The following STRN3 variants were observed in gnomAD, a reference collection of about 807,000 sequenced individuals.
The protein encoded by STRN3 is striatin 3.
STRN3 carries 29 observed loss-of-function variants against 95.6 expected under a neutral mutation model. The observed-to-expected ratio is 0.30, with a 90% CI of 0.23 to 0.41. The LOEUF is 0.41. STRN3 is among the 10% of genes least tolerant of loss of function. The probability of loss-of-function intolerance (pLI) is 1.00; values close to 1 mark genes in which losing one functional copy is unlikely to be tolerated. For missense variants in STRN3, 890 were observed against 972.1 expected (o/e 0.92, Z 1.12); for synonymous variants, 331 against 357.6 (o/e 0.93, Z 0.84).
At chr14:30,972,646 A>T (rs548710391) in intron 1 of STRN3, among the ~76,000 whole-genome samples, 25 of 144,486 alleles carry the variant, frequency 1.7e-4, no homozygotes, top group South Asian at 6.5e-4. Flanking sequence ...ACAAAAAATT[A>T]AAAAAAAAAA....
chr14:30,933,296 A>AAAC (rs1878643351), intron 7 of STRN3, among the ~76,000 whole-genome samples: 2 of 150,408 alleles, frequency 1.3e-5, no homozygotes, highest in African/African-American at 4.9e-5. Flanking sequence ...AAAAAAAAAA[A>AAAC]AAAAAAAAAC....
chr14:30,913,731 A>C, intron 9 of STRN3, 74 bp from the exon 10 acceptor site: 1 of 1,469,614 alleles, frequency 6.8e-7, no homozygotes, highest in Non-Finnish European at 9.1e-7. Flanking sequence ...GGAAAATTTA[A>C]GCACTTAACA....
intron 4 of STRN3, among the ~76,000 whole-genome samples, chr14:30,948,110 A>T (rs2139117426): frequency 6.6e-6 from 1 of 152,372 alleles, no homozygotes; most frequent in South Asian, 2.1e-4. Flanking sequence ...GCACAAATGT[A>T]TGTGGAAGTA....
At chr14:30,902,171 C>CAAAAAAAAAA (rs71112350) in intron 16 of STRN3, among the ~76,000 whole-genome samples, 5 of 39,850 alleles carry the variant, frequency 1.3e-4, no homozygotes, top group African/African-American at 2.1e-4. Flanking sequence ...AACTCCGCCT[C>CAAAAAAAAAA]AAAAAAAAAA....
At chr14:31,012,149 T>C (rs1453948621) in intron 1 of STRN3, among the ~76,000 whole-genome samples, 1 of 152,384 alleles carries the variant, frequency 6.6e-6, no homozygotes, top group South Asian at 2.1e-4. Flanking sequence ...GTTTTTGTTA[T>C]CTGAGATATC....
At chr14:31,009,604 A>ATTT (rs34490042) in intron 1 of STRN3, among the ~76,000 whole-genome samples, 1,505 of 144,688 alleles carry the variant, frequency 0.01, 11 homozygotes, top group Non-Finnish European at 0.016. Flanking sequence ...ACCATTGCCA[A>ATTT]TTTTTTTTTT....
intron 1 of STRN3, among the ~76,000 whole-genome samples, chr14:30,993,775 G>A (rs1160940530): frequency 1.3e-5 from 2 of 151,962 alleles, no homozygotes; most frequent in African/African-American, 4.8e-5. Context: ...GGCCTCGCAG[G>A]TTCAAGCAAT....
intron 2 of STRN3, 65 bp from the exon 3 acceptor site, chr14:30,955,758 T>TTA: frequency 7.7e-7 from 1 of 1,294,328 alleles, no homozygotes; most frequent in Non-Finnish European, 1.1e-6. Context: ...TGCTTTATAT[T>TTA]ACTCCAATAA....
chr14:30,921,890 A>G (rs1166269850), intron 8 of STRN3, among the ~76,000 whole-genome samples: 1 of 152,126 alleles, frequency 6.6e-6, no homozygotes, highest in African/African-American at 2.4e-5. Flanking sequence ...ATTATTTGTG[A>G]GACAAGGTCT....
intron 5 of STRN3, among the ~76,000 whole-genome samples, chr14:30,944,450 C>A (rs557338741): frequency 6.7e-6 from 1 of 149,340 alleles, no homozygotes; most frequent in East Asian, 2.0e-4. Context: ...AAAAAATACA[C>A]ATACACACAT....
At chr14:30,945,037 G>GT (rs1215804182) in intron 5 of STRN3, among the ~76,000 whole-genome samples, 1 of 152,008 alleles carries the variant, frequency 6.6e-6, no homozygotes, top group African/African-American at 2.4e-5. Flanking sequence ...AACTCATCTG[G>GT]TTTTTTCCCC....
chr14:30,984,128 C>CT (rs374641741), intron 1 of STRN3, among the ~76,000 whole-genome samples: 1 of 44,178 alleles, frequency 2.3e-5, no homozygotes, highest in Non-Finnish European at 4.7e-5. Flanking sequence ...ATCTTCCCCG[C>CT]CCCCCCCAAC....
At chr14:31,007,705 C>G (rs1372684214) in intron 1 of STRN3, among the ~76,000 whole-genome samples, 2 of 151,796 alleles carry the variant, frequency 1.3e-5, no homozygotes, top group African/African-American at 2.4e-5. Context: ...GAGTTCAAGA[C>G]CATCCTAGGC....
chr14:30,967,468 C>T (rs972040291), intron 1 of STRN3, among the ~76,000 whole-genome samples: 5 of 152,192 alleles, frequency 3.3e-5, no homozygotes, highest in East Asian at 1.9e-4. Context: ...AGGTCTTCTC[C>T]GTGACCCTAT....
intron 1 of STRN3, among the ~76,000 whole-genome samples, chr14:30,980,848 T>C (rs1208453867): frequency 6.6e-6 from 1 of 152,136 alleles, no homozygotes; most frequent in Non-Finnish European, 1.5e-5. Flanking sequence ...ATTTAATGAT[T>C]TTAAGACATT....
intron 1 of STRN3, among the ~76,000 whole-genome samples, chr14:31,013,265 T>G (rs1393294668): frequency 6.6e-6 from 1 of 151,614 alleles, no homozygotes; most frequent in Non-Finnish European, 1.5e-5. Context: ...GTTCCAAACT[T>G]GCGAGGCTGA....
chr14:30,901,302 T>G (rs554929818), intron 16 of STRN3, among the ~76,000 whole-genome samples: 1 of 152,032 alleles, frequency 6.6e-6, no homozygotes, highest in East Asian at 1.9e-4. Context: ...ATTTAAATAT[T>G]TTTTTTAAAA....
chr14:30,961,049 A>G (rs538363524), intron 1 of STRN3, among the ~76,000 whole-genome samples: 17 of 152,220 alleles, frequency 1.1e-4, no homozygotes, highest in Admixed American at 9.2e-4. Context: ...GATTTCTTAA[A>G]AAAGACAAAA....
At chr14:30,996,899 G>A (rs1047028339) in intron 1 of STRN3, among the ~76,000 whole-genome samples, 3 of 152,004 alleles carry the variant, frequency 2.0e-5, no homozygotes, top group Non-Finnish European at 2.9e-5. Context: ...TCAGGTATTT[G>A]AGAAATATGA....
Sources: gnomAD v4.1 joint callset for allele counts (sites outside exome capture counted in the v4.1 genomes callset) on GRCh38, gnomAD v4.1.1 for gene constraint, MANE v1.5 for transcripts, NCBI Gene and HGNC (gene_info 2026-07-23, HGNC 2026-07-21) for gene names.